RNF115: variants seen among roughly 807,000 people sequenced by gnomAD.
RNF115 encodes the protein E3 ubiquitin-protein ligase RNF115.
A neutral mutation model predicts 39.2 loss-of-function variants in RNF115; 31 were observed. That is an observed-to-expected ratio of 0.79 (90% CI 0.59 to 1.07). The LOEUF is 1.07. RNF115 is among the 50% of genes least tolerant of loss of function. The pLI, the probability that RNF115 is intolerant of heterozygous loss-of-function variation, is 0.00. For synonymous variants in RNF115, 124 were observed against 131.0 expected (o/e 0.95, Z 0.37); for missense variants, 384 against 381.7 (o/e 1.01, Z -0.05).
intron 4 of RNF115, among the ~76,000 whole-genome samples, chr1:145,764,875 G>A (rs899783301): frequency 2.6e-5 from 4 of 152,166 alleles, no homozygotes; most frequent in Non-Finnish European, 4.4e-5. Flanking sequence ...CCCCTTCTGG[G>A]AAGTGATGAG....
rs1658441156 is a variant in RNF115, at chr1:145,760,048, G to T, written c.429-6999C>A. On this transcript the variant is annotated intron_variant, in intron 4 of 8. Coordinates refer to ENST00000582693, the MANE Select transcript of RNF115 (RefSeq NM_014455.4). ...TCTATCTTTCTCCATTAGTACTTAA[G>T]CTCCACGAGGGCAGTCATTCTTGAC... 1.3e-5 allele frequency among the ~76,000 whole-genome samples: 2 copies of T among 152,044 alleles called. 1 individual carries two copies. The highest frequency in any genetic ancestry group is 4.8e-5 in the African/African-American group (2 of 41,388).
At chr1:145,820,538 C>T (rs1650188742) in intron 1 of RNF115, among the ~76,000 whole-genome samples, 1 of 151,650 alleles carries the variant, frequency 6.6e-6, no homozygotes, top group Admixed American at 6.6e-5. Context: ...GAGATGGAGA[C>T]CATCCTGGCC....
intron 4 of RNF115, among the ~76,000 whole-genome samples, chr1:145,766,339 G>A (rs2929825): frequency 0.037 from 5,594 of 152,208 alleles, 343 homozygotes; most frequent in African/African-American, 0.13. Context: ...AGGATCCTAA[G>A]GCAGAAGAAT....
intron 1 of RNF115, among the ~76,000 whole-genome samples, chr1:145,791,292 A>C (rs1161047977): frequency 6.6e-6 from 1 of 151,448 alleles, no homozygotes; most frequent in East Asian, 1.9e-4. Context: ...CAGGCAGATC[A>C]CCTGAGGTCG....
chr1:145,779,293 G>A (rs150829720), intron 3 of RNF115, among the ~76,000 whole-genome samples: 35 of 151,596 alleles, frequency 2.3e-4, no homozygotes, highest in African/African-American at 7.5e-4. Flanking sequence ...TCCCACCTCC[G>A]CTTCTCGAGT....
intron 2 of RNF115, chr1:145,787,168 A>AC: frequency 2.1e-6 from 1 of 474,748 alleles, no homozygotes; most frequent in Non-Finnish European, 3.9e-6. Flanking sequence ...ACCAGTCGGT[A>AC]CTTCTTCAAT....
chr1:145,810,642 G>C (rs1311162598), intron 1 of RNF115, among the ~76,000 whole-genome samples: 13 of 137,196 alleles, frequency 9.5e-5, no homozygotes, highest in Non-Finnish European at 1.7e-4. Flanking sequence ...ATGTGCCCCG[G>C]GACTTAAAAT....
chr1:145,767,115 A>G (rs1411389002), intron 4 of RNF115, among the ~76,000 whole-genome samples: 1 of 148,092 alleles, frequency 6.8e-6, no homozygotes, highest in African/African-American at 2.5e-5. Context: ...GGCCCGGCAG[A>G]GGGGCTCCTC....
chr1:145,778,353 A>G (rs1647972562), intron 3 of RNF115, among the ~76,000 whole-genome samples: 1 of 152,144 alleles, frequency 6.6e-6, no homozygotes, highest in Admixed American at 6.5e-5. Context: ...TGTAGTGACT[A>G]CTAATGTGTA....
intron 1 of RNF115, among the ~76,000 whole-genome samples, chr1:145,811,281 G>A (rs587680767): frequency 6.6e-6 from 1 of 150,536 alleles, no homozygotes; most frequent in African/African-American, 2.4e-5. Context: ...CAGCACTTTG[G>A]GAGGCCAAGG....
chr1:145,768,272 C>T (rs1435763090), intron 4 of RNF115, among the ~76,000 whole-genome samples: 1 of 152,234 alleles, frequency 6.6e-6, no homozygotes. Context: ...GCTGTGGCAT[C>T]CTCTCCAATG....
At chr1:145,769,069 CTACT>C (rs1250500575) in intron 4 of RNF115, among the ~76,000 whole-genome samples, 2 of 152,064 alleles carry the variant, frequency 1.3e-5, no homozygotes, top group Non-Finnish European at 2.9e-5. Flanking sequence ...AGTGAGAAGG[CTACT>C]TAATTTTAAA....
chr1:145,793,147 T>C (rs921461331), intron 1 of RNF115, among the ~76,000 whole-genome samples: 2 of 152,128 alleles, frequency 1.3e-5, no homozygotes, highest in Non-Finnish European at 2.9e-5. Flanking sequence ...AGTGAGACCT[T>C]GTCTCTACAA....
Position 145,752,498 on chromosome 1 carries a change from A to T in RNF115, c.500+480T>A, listed in dbSNP as rs587677670. Among the ~76,000 whole-genome samples, 43 of 152,048 alleles carry T rather than the reference A, an allele frequency of 2.8e-4. No individual in the cohort carries two copies. In the South Asian group the frequency reaches 6.0e-3, roughly 21 times the overall value. ...CCTTCCTGAGCCTGAATAATAATAA[A>T]AAAAAAAGTTCTGATTAAGTTTGGG... On this transcript the variant is annotated intron_variant, in intron 5 of 8. Transcript: ENST00000582693.
intron 1 of RNF115, among the ~76,000 whole-genome samples, chr1:145,819,018 T>C (rs1650112152): frequency 6.9e-6 from 1 of 145,172 alleles, no homozygotes; most frequent in South Asian, 2.3e-4. Flanking sequence ...AACACCTTTA[T>C]GCACACAAAC....
At chr1:145,819,326 G>C (rs587740905) in intron 1 of RNF115, among the ~76,000 whole-genome samples, 4 of 145,122 alleles carry the variant, frequency 2.8e-5, no homozygotes, top group Non-Finnish European at 6.0e-5. Context: ...GCACATACCC[G>C]TAGGTCCAGC....
At chr1:145,759,831 G>C (rs782026661) in intron 4 of RNF115, among the ~76,000 whole-genome samples, 1 of 151,712 alleles carries the variant, frequency 6.6e-6, no homozygotes, top group African/African-American at 2.4e-5. Flanking sequence ...CACCTTCTCT[G>C]CCCTACATTG....
intron 1 of RNF115, among the ~76,000 whole-genome samples, chr1:145,823,562 C>T (rs1350823763): frequency 6.6e-6 from 1 of 151,992 alleles, no homozygotes; most frequent in Non-Finnish European, 1.5e-5. Context: ...GGTGGAGCAG[C>T]CCAGGATGAA....
chr1:145,783,123 A>G (rs1648222576), intron 3 of RNF115, among the ~76,000 whole-genome samples: 1 of 152,198 alleles, frequency 6.6e-6, no homozygotes, highest in African/African-American at 2.4e-5. Flanking sequence ...TCGGCCTCCC[A>G]AAGTGTTGCG....
Sources: gnomAD v4.1 joint callset for allele counts (sites outside exome capture counted in the v4.1 genomes callset) on GRCh38, gnomAD v4.1.1 for gene constraint, MANE v1.5 for transcripts, NCBI Gene and HGNC (gene_info 2026-07-23, HGNC 2026-07-21) for gene names.